The following ZNF568 variants were observed in gnomAD, a reference collection of about 807,000 sequenced individuals.
ZNF568 encodes the protein zinc finger protein 568, also known as p53 inhibitor of SCO2 activation.
Under a neutral mutation model 18.1 loss-of-function variants are expected in ZNF568, and 11 were observed. The observed-to-expected ratio is 0.61, with a 90% CI of 0.38 to 1.00. The LOEUF (loss-of-function observed/expected upper bound fraction) is 1.00, where lower values mean the gene tolerates loss of function less well. Ranked by LOEUF, ZNF568 falls within the 50% of genes least tolerant of loss-of-function variation. The pLI, the probability that ZNF568 is intolerant of heterozygous loss-of-function variation, is 0.01. For synonymous variants in ZNF568, 213 were observed against 246.6 expected (o/e 0.86, Z 1.28); for missense variants, 639 against 768.2 (o/e 0.83, Z 1.99).
chr19:36,974,826 A>ATTTTTTT (rs3053253), intron 7 of ZNF568, among the ~76,000 whole-genome samples: 2 of 132,292 alleles, frequency 1.5e-5, no homozygotes, highest in African/African-American at 2.9e-5. Context: ...TTGCTTACCA[A>ATTTTTTT]TTTTTTTTTT....
exon 5 of ZNF568, chr19:36,997,127 A>G (rs1326161864): frequency 6.4e-7 from 1 of 1,571,966 alleles, no homozygotes; most frequent in Non-Finnish European, 8.6e-7. Flanking sequence ...GAAAGACGCT[A>G]TGAATGCAGG....
chr19:36,969,531 T>C (rs935650287), intron 6 of ZNF568, among the ~76,000 whole-genome samples: 36 of 152,138 alleles, frequency 2.4e-4, no homozygotes, highest in African/African-American at 7.7e-4. Flanking sequence ...ATGAGTCCTG[T>C]GGGCTAAAAT....
At chr19:36,983,893 CTTT>C (rs57048125), downstream of ZNF568, among the ~76,000 whole-genome samples, 1 of 108,570 alleles carries the variant, frequency 9.2e-6, no homozygotes, top group Non-Finnish European at 1.7e-5. Context: ...CAACTTTGTC[CTTT>C]TTTTTTTTTT....
chr19:36,950,010 C>G lies in ZNF568; in HGVS notation c.857C>G (p.Ala286Gly). ...TATAAGTGTAATGAATGTGGAAAAG[C>G]TTTCATTCAGATGTCAAACCTTATT... ...KPYKCNECGK[A>G]FIQMSNLIRH... The change falls in exon 7 of 7, where the codon GCT becomes GGT. Residue 286 changes from alanine to glycine, a missense_variant. Transcript: ENST00000333987. 2 of 1,613,858 alleles carry G rather than the reference C, an allele frequency of 1.2e-6. No individual in the cohort carries two copies. Among genetic ancestry groups the G allele is most frequent in the South Asian group, 2.2e-5 (2 of 91,060 alleles).
exon 3 of ZNF568, chr19:36,991,231 T>G (rs1163896342): frequency 6.5e-7 from 1 of 1,536,558 alleles, no homozygotes; most frequent in South Asian, 1.2e-5. Flanking sequence ...TGGGAATGCT[T>G]GCACTCTGCT....
chr19:36,935,154 T>A (rs1470013571), intron 4 of ZNF568, among the ~76,000 whole-genome samples: 1 of 152,160 alleles, frequency 6.6e-6, no homozygotes, highest in African/African-American at 2.4e-5. Context: ...TTGAGAAGAA[T>A]GTATATTCTG....
At chr19:36,986,949 C>T (rs2074381385) in intron 2 of ZNF568, among the ~76,000 whole-genome samples, 1 of 152,172 alleles carries the variant, frequency 6.6e-6, no homozygotes, top group Admixed American at 6.5e-5. Flanking sequence ...TAGAAGGCAA[C>T]CAGCTGCAGA....
chr19:36,939,833 C>T (rs1213478728), intron 6 of ZNF568, among the ~76,000 whole-genome samples: 2 of 152,192 alleles, frequency 1.3e-5, no homozygotes, highest in African/African-American at 4.8e-5. Context: ...GCCACTGCAT[C>T]TGGCCAGAAG....
At chr19:36,995,423 C>A (rs1176850840) in intron 4 of ZNF568, among the ~76,000 whole-genome samples, 1 of 152,102 alleles carries the variant, frequency 6.6e-6, no homozygotes, top group Non-Finnish European at 1.5e-5. Context: ...AAGCAAAAAA[C>A]AGTGTGTCTC....
Position 36,950,032 on chromosome 19 carries a change from T to C in ZNF568, c.879T>C (p.Leu293=). 1 of 1,613,690 alleles carries C rather than the reference T, an allele frequency of 6.2e-7. No individual in the cohort carries two copies. The highest frequency in any genetic ancestry group is 8.5e-7 in the Non-Finnish European group (1 of 1,179,858). ...CGKAFIQMSN[L]IRHHRIHTGE... ...AAGCTTTCATTCAGATGTCAAACCT[T>C]ATTAGACACCACAGAATTCATACTG... is the stretch of plus-strand genomic sequence containing the variant. Residue 293 remains leucine, a synonymous_variant, in exon 7 of 7, where the codon CTT becomes CTC. Coordinates refer to ENST00000333987, the MANE Select transcript of ZNF568 (RefSeq NM_198539.4).
At chr19:36,991,126 A>G in intron 2 of ZNF568, 1 of 1,503,156 alleles carries the variant, frequency 6.7e-7, no homozygotes, top group South Asian at 1.3e-5. Flanking sequence ...TGTTGTCTTA[A>G]AGATTTTGTC....
chr19:36,974,325 TCAGTG>T, intron 6 of ZNF568: 1 of 1,074,158 alleles, frequency 9.3e-7, no homozygotes, highest in Non-Finnish European at 1.3e-6. Context: ...GGTCTCCCTT[TCAGTG>T]CCTGGGGTGG....
At chr19:36,979,461 T>A (rs932068602) in exon 8 of ZNF568, 2 of 152,258 alleles carry the variant, frequency 1.3e-5, no homozygotes, top group Non-Finnish European at 1.5e-5. Flanking sequence ...TATCTGTTAT[T>A]CCGAATCTTG....
intron 4 of ZNF568, among the ~76,000 whole-genome samples, chr19:36,932,158 C>T (rs565501805): frequency 6.6e-6 from 1 of 152,282 alleles, no homozygotes; most frequent in East Asian, 1.9e-4. Flanking sequence ...CCCTTTTAGG[C>T]TATTATGAAT....
Position 36,950,824 on chromosome 19 carries a change from A to G in ZNF568, c.1671A>G (p.Pro557=). The part of the protein sequence containing the change: ...EHEKIHTGEK[P]FKCNECGKAF... ...AAAAAATTCATACTGGAGAGAAACCATTCAAATGTAATGAATGTGGTAAAG... is the reference window on the plus strand; with the variant it reads ...AAAAAATTCATACTGGAGAGAAACCGTTCAAATGTAATGAATGTGGTAAAG... The change falls in exon 7 of 7, where the codon CCA becomes CCG. Residue 557 remains proline (P), a synonymous_variant. Coordinates refer to ENST00000333987, the MANE Select transcript of ZNF568 (RefSeq NM_198539.4). 2 of 1,613,700 alleles carry G rather than the reference A, an allele frequency of 1.2e-6. No individual in the cohort carries two copies. Among genetic ancestry groups the G allele is most frequent in the South Asian group, 2.2e-5 (2 of 91,048 alleles).
chr19:36,961,220 T>C (rs2074146615), intron 6 of ZNF568, among the ~76,000 whole-genome samples: 2 of 152,036 alleles, frequency 1.3e-5, no homozygotes, highest in African/African-American at 4.8e-5. Context: ...ATATTTAGAA[T>C]TGTTATATCC....
At chr19:36,982,497 G>A (rs934069120), downstream of ZNF568, among the ~76,000 whole-genome samples, 3 of 152,052 alleles carry the variant, frequency 2.0e-5, no homozygotes, top group African/African-American at 7.2e-5. Flanking sequence ...TCAGGAATTC[G>A]AGACCAGCCT....
At chr19:36,919,034 C>G (rs77630606) in intron 2 of ZNF568, among the ~76,000 whole-genome samples, 1 of 151,982 alleles carries the variant, frequency 6.6e-6, no homozygotes, top group African/African-American at 2.4e-5. Context: ...ATTTATTCAT[C>G]ATTGGACACT....
downstream of ZNF568, among the ~76,000 whole-genome samples, chr19:36,954,041 T>C (rs1169511508): frequency 1.3e-5 from 2 of 151,976 alleles, no homozygotes; most frequent in African/African-American, 2.4e-5. Flanking sequence ...CTGGCCAATA[T>C]GGTGAAAGCC....
Sources: gnomAD v4.1 joint callset for allele counts (sites outside exome capture counted in the v4.1 genomes callset) on GRCh38, gnomAD v4.1.1 for gene constraint, MANE v1.5 for transcripts, NCBI Gene and HGNC (gene_info 2026-07-23, HGNC 2026-07-21) for gene names.